Variants in SNAP91 observed in about 807,000 individuals in gnomAD.
SNAP91 encodes the protein synaptosome associated protein 91.
In SNAP91, 27 loss-of-function variants were observed where a neutral mutation model predicts 100.3. The observed-to-expected ratio is 0.27, with a 90% CI of 0.20 to 0.37. The LOEUF is 0.37. Among genes scored for constraint, SNAP91 ranks in the 10% least tolerant of loss-of-function variants. SNAP91 has a pLI of 1.00. For synonymous variants in SNAP91, 404 were observed against 398.6 expected (o/e 1.01, Z -0.16); for missense variants, 986 against 1,123.7 (o/e 0.88, Z 1.75).
At chr6:83,636,559 T>C (rs2097456561) in intron 8 of SNAP91, among the ~76,000 whole-genome samples, 1 of 152,158 alleles carries the variant, frequency 6.6e-6, no homozygotes, top group Admixed American at 6.5e-5. Flanking sequence ...ATCTTTCATA[T>C]CTTGGATCAT....
rs2094033721 is a variant in SNAP91, at chr6:83,593,272, A to G, written c.1697-13T>C. On this transcript the variant is annotated splice_polypyrimidine_tract_variant and intron_variant, in intron 18 of 29. Coordinates refer to ENST00000369694, the MANE Select transcript of SNAP91 (RefSeq NM_001242792.2). ...GACTCAAATAAATCTAAGACCAAGAACACACATGCCTTTACTCAACTTGAA... is the reference window on the plus strand; with the variant it reads ...GACTCAAATAAATCTAAGACCAAGAGCACACATGCCTTTACTCAACTTGAA... 6.3e-7 allele frequency: 1 copy of G among 1,580,568 alleles called. No homozygotes were observed. The highest frequency in any genetic ancestry group is 8.6e-7 in the Non-Finnish European group (1 of 1,162,456).
chr6:83,687,206 AT>A (rs966086236), intron 2 of SNAP91, among the ~76,000 whole-genome samples: 3 of 152,170 alleles, frequency 2.0e-5, no homozygotes, highest in Non-Finnish European at 4.4e-5. Context: ...GTGGTAAAAT[AT>A]CAGTCACTTC....
intron 2 of SNAP91, among the ~76,000 whole-genome samples, chr6:83,694,327 T>C (rs1364561355): frequency 6.6e-6 from 1 of 152,178 alleles, no homozygotes; most frequent in Non-Finnish European, 1.5e-5. Flanking sequence ...TGTCTCCCTC[T>C]GTCAGCCAGA....
At chr6:83,682,336 A>G (rs1025731190) in intron 2 of SNAP91, among the ~76,000 whole-genome samples, 3 of 151,228 alleles carry the variant, frequency 2.0e-5, no homozygotes, top group Admixed American at 1.3e-4. Flanking sequence ...ACATGCCACC[A>G]CACCTAGCTA....
At position 83,582,725 on chromosome 6, in the gene SNAP91, C is replaced by T. The variant is rs533774410; in HGVS notation, c.2015-369G>A. On this transcript the variant is annotated intron_variant, in intron 22 of 29. Coordinates refer to ENST00000369694, the MANE Select transcript of SNAP91 (RefSeq NM_001242792.2). ...TTATGTTTCTTCAAATCATAATATCCGGTTTCTAGAAAATGTTTACTGCAA... is the reference window on the plus strand; with the variant it reads ...TTATGTTTCTTCAAATCATAATATCTGGTTTCTAGAAAATGTTTACTGCAA... 7.2e-5 allele frequency among the ~76,000 whole-genome samples: 11 copies of T among 152,204 alleles called. No individual in the cohort carries two copies. In the East Asian group the frequency reaches 1.5e-3, roughly 21 times the overall value.
intron 20 of SNAP91, 123 bp downstream of exon 20, chr6:83,592,823 T>G (rs1271931046): frequency 1.2e-6 from 1 of 808,522 alleles, no homozygotes; most frequent in African/African-American, 1.7e-5. Flanking sequence ...AAGAGTGAGT[T>G]TTTCTTTTGA....
At chr6:83,675,008 G>A (rs772498906) in intron 2 of SNAP91, among the ~76,000 whole-genome samples, 3 of 152,144 alleles carry the variant, frequency 2.0e-5, no homozygotes, top group South Asian at 2.1e-4. Flanking sequence ...CAAATGAAAC[G>A]ACCTACTGAC....
intron 12 of SNAP91, among the ~76,000 whole-genome samples, chr6:83,608,254 GAAATCTAACTTGCA>G (rs1289363611): frequency 6.6e-6 from 1 of 152,014 alleles, no homozygotes; most frequent in African/African-American, 2.4e-5. Context: ...TTCAAATCCA[GAAATCTAACTTGCA>G]AAATAGTTCA....
Position 83,556,282 on chromosome 6 carries a change from G to C in SNAP91, c.2632-37C>G, listed in dbSNP as rs374669443. 8.8e-4 allele frequency: 810 copies of C among 917,180 alleles called. 1 individual carries two copies. Among genetic ancestry groups the C allele is most frequent in the Non-Finnish European group, 1.1e-3 (742 of 653,814 alleles). 56.8% of individuals were successfully genotyped at this position (917,180 alleles called of 1,614,324 possible). ...AAGCCAGCCCCAAAGAGCAGGAATA[G>C]AAAGCAGAGAGAGAATGAGACATGG... On this transcript the variant is annotated intron_variant, in intron 28 of 29. Coordinates refer to ENST00000369694, the MANE Select transcript of SNAP91 (RefSeq NM_001242792.2).
intron 14 of SNAP91, among the ~76,000 whole-genome samples, chr6:83,603,524 T>C (rs188040094): frequency 4.6e-5 from 7 of 152,124 alleles, no homozygotes; most frequent in African/African-American, 1.7e-4. Flanking sequence ...GCACTCAGTT[T>C]TTTTAATCCA....
intron 2 of SNAP91, among the ~76,000 whole-genome samples, chr6:83,684,013 ATACC>A (rs1397821092): frequency 1.3e-5 from 2 of 152,192 alleles, no homozygotes; most frequent in Non-Finnish European, 2.9e-5. Context: ...CAATTGCCTC[ATACC>A]TTTGTTTCCC....
Position 83,605,704 on chromosome 6 carries a change from T to A in SNAP91, c.1122A>T (p.Gly374=). ...AAAPAPPPPA[G]GATAWGDLLG... is the part of the protein sequence containing the mutation. ...ACTCACCTCCCCATGCAGTGGCTCC[T>A]CCAGCAGGTGGTGGTGGTGCTGGTG... is the stretch of plus-strand genomic sequence containing the variant. Residue 374 remains glycine, a synonymous_variant, in exon 14 of 30, where the codon GGA becomes GGT. Coordinates refer to ENST00000369694, the MANE Select transcript of SNAP91 (RefSeq NM_001242792.2). 6.4e-7 allele frequency: 1 copy of A among 1,552,094 alleles called. No homozygotes were observed. Among genetic ancestry groups the A allele is most frequent in the Non-Finnish European group, 8.7e-7 (1 of 1,147,214 alleles).
At chr6:83,672,052 T>G (rs771413354) in intron 2 of SNAP91, among the ~76,000 whole-genome samples, 2 of 152,156 alleles carry the variant, frequency 1.3e-5, no homozygotes, top group African/African-American at 2.4e-5. Context: ...CTGAAGTATG[T>G]ACTTTATACC....
Position 83,673,867 on chromosome 6 carries a change from A to G in SNAP91, c.131-8286T>C, listed in dbSNP as rs555505682. Among the ~76,000 whole-genome samples, 156 of 152,220 alleles carry G rather than the reference A, an allele frequency of 1.0e-3. 2 individuals carry two copies. The South Asian group carries it at 0.02, about 19-fold the overall frequency. ...GCAGTCTGCTGAGTCACTTGGGAAG[A>G]CTCTTTCTTTCATAATAAACAGTTG... On this transcript the variant is annotated intron_variant, in intron 2 of 29. Transcript: ENST00000369694.
At chr6:83,699,558 CAT>C (rs1302271091) in intron 2 of SNAP91, among the ~76,000 whole-genome samples, 2 of 152,048 alleles carry the variant, frequency 1.3e-5, no homozygotes, top group Admixed American at 6.5e-5. Flanking sequence ...TAAAGTCTAA[CAT>C]ATTTCTAATC....
At chr6:83,700,981 G>A (rs1338089601) in intron 2 of SNAP91, among the ~76,000 whole-genome samples, 1 of 152,144 alleles carries the variant, frequency 6.6e-6, no homozygotes, top group Non-Finnish European at 1.5e-5. Context: ...CAATTGAGTA[G>A]GCAATGCCTG....
chr6:83,587,053 TGATA>T (rs1239433990), intron 22 of SNAP91, among the ~76,000 whole-genome samples: 4 of 152,190 alleles, frequency 2.6e-5, no homozygotes, highest in Non-Finnish European at 4.4e-5. Context: ...ATAGTTTTTA[TGATA>T]GATAGGTTCA....
chr6:83,662,404 C>G lies in SNAP91; in HGVS notation c.292G>C (p.Ala98Pro). 7.3e-7 allele frequency: 1 copy of G among 1,376,556 alleles called. No individual in the cohort carries two copies. Among genetic ancestry groups the G allele is most frequent in the East Asian group, 2.6e-5 (1 of 38,564 alleles). 85.3% of individuals were successfully genotyped at this position (1,376,556 alleles called of 1,614,324 possible). A position where few individuals can be genotyped will look rare whatever the true frequency, so the allele number is the denominator to read the frequency against. Residue 98 changes from alanine to proline, a missense_variant, in exon 4 of 30, where the codon GCT becomes CCT. Around this residue, in one of 4 missense-constraint regions of SNAP91, gnomAD observed 330 missense variants for 447.5 expected, o/e 0.74. Transcript: ENST00000369694. Reference protein sequence around the residue: ...HGNERFIQYLASRNTLFNLSN... With the variant: ...HGNERFIQYLPSRNTLFNLSN... ...AGATTGAATAGTGTATTTCTAGAAG[C>G]CAAATATTGAATAAATCTCTGAAAA...
intron 26 of SNAP91, among the ~76,000 whole-genome samples, chr6:83,569,752 A>G (rs372986799): frequency 3.9e-5 from 6 of 152,208 alleles, no homozygotes; most frequent in East Asian, 1.9e-4. Flanking sequence ...GTGGTAGTGA[A>G]TAAGTCTCAT....
Sources: gnomAD v4.1 joint callset for allele counts (sites outside exome capture counted in the v4.1 genomes callset) on GRCh38, gnomAD v4.1.1 for gene constraint, gnomAD v4.1.1 regional missense constraint, MANE v1.5 for transcripts, NCBI Gene and HGNC (gene_info 2026-07-23, HGNC 2026-07-21) for gene names.